Variants in PHLDB1 observed in about 807,000 individuals in gnomAD.
PHLDB1 encodes the protein pleckstrin homology like domain family B member 1, also known as pleckstrin homology-like domain family B member 1.
PHLDB1 carries 65 observed loss-of-function variants against 139.3 expected under a neutral mutation model. The observed-to-expected ratio is 0.47, with a 90% CI of 0.38 to 0.57. The LOEUF (loss-of-function observed/expected upper bound fraction) is 0.57. Among genes scored for constraint, PHLDB1 ranks in the 20% least tolerant of loss-of-function variants. PHLDB1 has a pLI of 0.00. For synonymous variants in PHLDB1, 679 were observed against 734.5 expected, an observed-to-expected ratio of 0.92 and a Z score of 1.22; for missense variants, 1,624 against 1,839.7, an observed-to-expected ratio of 0.88 and a Z score of 2.14.
At chr11:118,619,013 C>G (rs1660427445) in intron 4 of PHLDB1, among the ~76,000 whole-genome samples, 2 of 152,078 alleles carry the variant, frequency 1.3e-5, no homozygotes, top group Middle Eastern at 3.2e-3. Flanking sequence ...CTGATTCCAC[C>G]CCCTGTACCC....
chr11:118,649,076 C>G (rs72999482), intron 18 of PHLDB1, among the ~76,000 whole-genome samples: 238 of 152,202 alleles, frequency 1.6e-3, no homozygotes, highest in Non-Finnish European at 2.5e-3. Context: ...TCCAGGAGTT[C>G]AGAGACCAGC....
intron 6 of PHLDB1, 103 bp downstream of exon 6, chr11:118,628,753 C>G (rs577396): frequency 0.56 from 632,645 of 1,137,398 alleles, 178,754 homozygotes; most frequent in East Asian, 0.73. Context: ...AACAGGGCTT[C>G]GGCTTCTCAA....
chr11:118,651,341 T>C (rs1385615721), intron 20 of PHLDB1: 1 of 152,050 alleles, frequency 6.6e-6, no homozygotes, highest in Non-Finnish European at 1.5e-5. Context: ...AATACAAAAA[T>C]TAGCTGGGCG....
At position 118,608,163 on chromosome 11, in the gene PHLDB1, C is replaced by A; in HGVS notation, c.-22+464C>A. On this transcript the variant is annotated intron_variant, in intron 1 of 22. Transcript: ENST00000600882. The surrounding 1 kb of genome is among the most constrained non-coding windows in gnomAD (Gnocchi z 6.7). ...TCTCCTGTGACGTCTCCCCGCCTGT[C>A]CCCAGGCCGGCCGCCTTGATGGACC... 6.6e-6 allele frequency among the ~76,000 whole-genome samples: 1 copy of A among 152,108 alleles called. No individual in the cohort carries two copies. The highest frequency in any genetic ancestry group is 2.1e-4 in the South Asian group (1 of 4,826).
chr11:118,614,357 T>C lies in PHLDB1; in HGVS notation c.61-202T>C, dbSNP rs1328455471. Among the ~76,000 whole-genome samples, 5 of 147,280 alleles carry C rather than the reference T, an allele frequency of 3.4e-5. No homozygotes were observed. In the East Asian group the frequency reaches 1.0e-3, roughly 30 times the overall value. ...AAGCCAAGACTTGCGATAAATCCAG[T>C]GGGATGAGTTAGTGGCCTAGATTCA... On this transcript the variant is annotated intron_variant, in intron 2 of 22. Transcript: ENST00000600882.
At chr11:118,634,939 C>T in intron 9 of PHLDB1, 1 of 454,904 alleles carries the variant, frequency 2.2e-6, no homozygotes, top group East Asian at 6.9e-5. Flanking sequence ...GCGGAGCTGG[C>T]CGCGGGACGG....
chr11:118,638,019 A>G (rs1257772902), intron 10 of PHLDB1: 4 of 152,428 alleles, frequency 2.6e-5, no homozygotes, highest in Middle Eastern at 3.4e-3. Context: ...CAGAGGAAGG[A>G]GCAAAGAAAT....
chr11:118,627,698 AC>A lies in PHLDB1; in HGVS notation c.877del (p.His293IlefsTer21), dbSNP rs782163752. 1 of 1,610,618 alleles carries A rather than the reference AC, an allele frequency of 6.2e-7. No homozygotes were observed. Among genetic ancestry groups the A allele is most frequent in the Non-Finnish European group, 8.5e-7 (1 of 1,179,994 alleles). On this transcript the variant is annotated frameshift_variant, in exon 6 of 23. Transcript: ENST00000600882. LOFTEE classifies it high-confidence loss of function. ...PPLVPARSSS[Y>X]HLALQPPQSR... is the part of the protein sequence containing the mutation. ...CTGGTACCTGCCCGTTCCTCCAGCT[AC>A]CATCTGGCCCTACAGCCCCCACAGT...
rs540950313 is a variant in PHLDB1 at position 118,645,655 on chromosome 11, A to T, written c.3416+5A>T. ...CTCCCCTGACAACATGTCCAGGTACACCCGACGCCTGGGCCCGCAGCCTCC... is the reference window on the plus strand; with the variant it reads ...CTCCCCTGACAACATGTCCAGGTACTCCCGACGCCTGGGCCCGCAGCCTCC... On this transcript the variant is annotated splice_donor_5th_base_variant and intron_variant, in intron 16 of 22. Coordinates refer to ENST00000600882, the MANE Select transcript of PHLDB1 (RefSeq NM_001144758.3). The surrounding 1 kb of genome is among the most constrained non-coding windows in gnomAD (Gnocchi z 5.1). The T allele has an allele frequency of 6.2e-7, 1 of 1,613,388 alleles. No individual in the cohort carries two copies.
At chr11:118,623,306 C>T (rs1943181018) in intron 4 of PHLDB1, among the ~76,000 whole-genome samples, 1 of 152,174 alleles carries the variant, frequency 6.6e-6, no homozygotes, top group African/African-American at 2.4e-5. Context: ...TCTGGCTTCT[C>T]CCAACATAGT....
chr11:118,639,853 C>T, intron 12 of PHLDB1: 2 of 987,544 alleles, frequency 2.0e-6, no homozygotes, highest in Non-Finnish European at 1.2e-6. Flanking sequence ...CATGTCCCCT[C>T]TCTGTAGGCC....
upstream of PHLDB1, chr11:118,606,711 G>A (rs150262318): frequency 6.6e-6 from 1 of 152,258 alleles, no homozygotes; most frequent in African/African-American, 2.4e-5. Context: ...CGGAGTGGAG[G>A]TTGAGATGGA....
At chr11:118,639,312 AAC>A in intron 12 of PHLDB1, 61 bp downstream of exon 12, 1 of 1,219,824 alleles carries the variant, frequency 8.2e-7, no homozygotes, top group Non-Finnish European at 1.2e-6. Context: ...GGCTCTGAGT[AAC>A]ACATGGCACT....
rs1555111089 is a variant in PHLDB1 at position 118,631,935 on chromosome 11, A to G, written c.2123A>G (p.Lys708Arg). 6.2e-7 allele frequency: 1 copy of G among 1,613,602 alleles called. No individual in the cohort carries two copies. Among genetic ancestry groups the G allele is most frequent in the African/African-American group, 1.3e-5 (1 of 75,034 alleles). ...CAGCACGAAGATGCACCTAGCACCA[A>G]GCTCCAGGGAGAGGTGCTAGCCCTG... ...QQEHEDAPST[K>R]LQGEVLALEE... The change falls in exon 8 of 23, where the codon AAG (lysine) becomes AGG (arginine). Residue 708 changes from lysine to arginine, a missense_variant. By Grantham distance (26) the Lys-to-Arg change is conservative (BLOSUM62 2). Coordinates refer to ENST00000600882, the MANE Select transcript of PHLDB1 (RefSeq NM_001144758.3).
Position 118,620,365 on chromosome 11 carries a change from ATGCC to A in PHLDB1, c.355+4157_355+4160del. ...AAATTTGCTGGGTGTGTGGTGGCGC[ATGCC>A]TGTAGTCCCAGCTATGGGAGGCTGA... On this transcript the variant is annotated intron_variant, in intron 4 of 22. Transcript: ENST00000600882. This position sits in a 1 kb window ranked among gnomAD's most constrained non-coding sequence, Gnocchi z 4.1. 6.6e-6 allele frequency among the ~76,000 whole-genome samples: 1 copy of A among 152,360 alleles called. No homozygotes were observed. The highest frequency in any genetic ancestry group is 6.5e-5 in the Admixed American group (1 of 15,310).
At chr11:118,639,062 A>G in intron 11 of PHLDB1, 61 bp downstream of exon 11, 2 of 1,555,054 alleles carry the variant, frequency 1.3e-6, no homozygotes, top group Non-Finnish European at 8.9e-7. Context: ...GGGAGTGCAG[A>G]AGGACTGGGG....
intron 13 of PHLDB1, chr11:118,643,451 A>G (rs1946916037): frequency 1.1e-6 from 1 of 944,678 alleles, no homozygotes; most frequent in African/African-American, 1.8e-5. Flanking sequence ...CCAAGGTCAC[A>G]CAGCCTGTTA....
chr11:118,608,818 A>G lies in PHLDB1; in HGVS notation c.-22+1119A>G, dbSNP rs1939588001. 6.6e-6 allele frequency among the ~76,000 whole-genome samples: 1 copy of G among 151,982 alleles called. No individual in the cohort carries two copies. The highest frequency in any genetic ancestry group is 6.6e-5 in the Admixed American group (1 of 15,248). The stretch of plus-strand genomic sequence containing the variant: ...CACTCCATGCCTTACGCCTCACAGG[A>G]AAGCGCCCCGCGCTCACGCAGCCCC... On this transcript the variant is annotated intron_variant, in intron 1 of 22. Transcript: ENST00000600882. The surrounding 1 kb of genome is among the most constrained non-coding windows in gnomAD (Gnocchi z 6.7).
chr11:118,610,015 C>G lies in PHLDB1; in HGVS notation c.-22+2316C>G, dbSNP rs1939855774. Among the ~76,000 whole-genome samples, 1 of 151,948 alleles carries G rather than the reference C, an allele frequency of 6.6e-6. No homozygotes were observed. Among genetic ancestry groups the G allele is most frequent in the Admixed American group, 6.6e-5 (1 of 15,258 alleles). On this transcript the variant is annotated intron_variant, in intron 1 of 22. Coordinates refer to ENST00000600882, the MANE Select transcript of PHLDB1 (RefSeq NM_001144758.3). This position sits in a 1 kb window ranked among gnomAD's most constrained non-coding sequence, Gnocchi z 8.7. ...AGCCTCCCTCTCCTTCGCCCCATCTCCCCGCCCGTCAGCCTCCCCTCCGCT... is the reference window on the plus strand; with the variant it reads ...AGCCTCCCTCTCCTTCGCCCCATCTGCCCGCCCGTCAGCCTCCCCTCCGCT...
Sources: gnomAD v4.1 joint callset for allele counts (sites outside exome capture counted in the v4.1 genomes callset) on GRCh38, gnomAD v4.1.1 for gene constraint, Gnocchi (gnomAD v3.1) non-coding constraint, MANE v1.5 for transcripts, NCBI Gene and HGNC (gene_info 2026-07-23, HGNC 2026-07-21) for gene names.